ARHGAP42: variants seen among roughly 807,000 people sequenced by gnomAD.
ARHGAP42 encodes the protein Rho GTPase activating protein 42, also known as rho GTPase-activating protein 42.
ARHGAP42 carries 63 observed loss-of-function variants against 125.0 expected under a neutral mutation model. The ratio of observed to expected loss-of-function variants is 0.50; its 90% CI spans 0.41 to 0.62. The LOEUF (loss-of-function observed/expected upper bound fraction) is 0.62. Ranked by LOEUF, ARHGAP42 falls within the 20% of genes least tolerant of loss-of-function variation. The pLI is 0.00. For synonymous variants in ARHGAP42, 339 were observed against 351.0 expected (o/e 0.97, Z 0.38); for missense variants, 766 against 1,024.2 (o/e 0.75, Z 3.44).
chr11:100,928,535 C>G (rs1466049747), intron 6 of ARHGAP42, among the ~76,000 whole-genome samples: 2 of 151,664 alleles, frequency 1.3e-5, no homozygotes, highest in African/African-American at 4.8e-5. Context: ...GCAGTGAACT[C>G]TAATCATGCC....
chr11:100,757,001 A>G (rs1357595927), intron 1 of ARHGAP42, among the ~76,000 whole-genome samples: 2 of 152,196 alleles, frequency 1.3e-5, no homozygotes, highest in Non-Finnish European at 2.9e-5. Context: ...TAAACATAAG[A>G]TGCATATCTT....
At chr11:100,980,559 C>CTTCTTCTTTTTTT (rs1555037006) in intron 22 of ARHGAP42, among the ~76,000 whole-genome samples, 16 of 51,946 alleles carry the variant, frequency 3.1e-4, no homozygotes, top group Non-Finnish European at 4.2e-4. Context: ...TTTTCTTCTT[C>CTTCTTCTTTTTTT]TTTTTTTTTT....
rs7102924 is a variant in ARHGAP42 at position 100,795,294 on chromosome 11, T to G, written c.312+128T>G. The G allele has an allele frequency of 1.5e-3, 903 of 583,558 alleles. 5 individuals are homozygous for G. Among genetic ancestry groups the G allele is most frequent in the African/African-American group, 0.015 (786 of 52,122 alleles). The allele number at this position is 583,558 out of a possible 1,614,324, so 36.1% of individuals were successfully genotyped here. A position where few individuals can be genotyped will look rare whatever the true frequency, so the allele number is the denominator to read the frequency against. On this transcript the variant is annotated intron_variant, in intron 3 of 23. Transcript: ENST00000298815. ...TTTGACACGTCTACTAATTTTTACA[T>G]GTATTTTTGAAAAGATTTGTGACTA...
At position 100,772,550 on chromosome 11, in the gene ARHGAP42, C is replaced by T. The variant is rs187011107; in HGVS notation, c.250+2112C>T. Reference sequence around the variant, plus strand: ...TGCCTGAGGTATAGTTAAAGTGCCTCCAGGAATAAGGGAGAGCCCTCCCAC... The same window carrying T: ...TGCCTGAGGTATAGTTAAAGTGCCTTCAGGAATAAGGGAGAGCCCTCCCAC... On this transcript the variant is annotated intron_variant, in intron 2 of 23. Transcript: ENST00000298815. Among the ~76,000 whole-genome samples the T allele has an allele frequency of 3.4e-3, 515 of 152,192 alleles. 6 individuals carry two copies. Among genetic ancestry groups the T allele is most frequent in the Middle Eastern group, 6.8e-3 (2 of 294 alleles).
intron 4 of ARHGAP42, among the ~76,000 whole-genome samples, chr11:100,865,578 T>C (rs1330673602): frequency 6.6e-6 from 1 of 152,204 alleles, no homozygotes. Flanking sequence ...CGTAGCTTCC[T>C]TGGAGATAGA....
At chr11:100,892,370 C>T (rs1191282196) in intron 4 of ARHGAP42, among the ~76,000 whole-genome samples, 1 of 152,028 alleles carries the variant, frequency 6.6e-6, no homozygotes, top group East Asian at 1.9e-4. Flanking sequence ...TTTGGTAGCT[C>T]TTGATGGGAT....
chr11:100,863,495 G>C (rs571334629), intron 4 of ARHGAP42, among the ~76,000 whole-genome samples: 1 of 152,282 alleles, frequency 6.6e-6, no homozygotes, highest in Admixed American at 6.5e-5. Flanking sequence ...CATTTCCTTT[G>C]TAGTGTATTC....
At chr11:100,897,912 C>T (rs1866409055) in intron 4 of ARHGAP42, among the ~76,000 whole-genome samples, 1 of 152,080 alleles carries the variant, frequency 6.6e-6, no homozygotes, top group Non-Finnish European at 1.5e-5. Flanking sequence ...CATCCTTGTC[C>T]TGTGCTGGTT....
intron 2 of ARHGAP42, among the ~76,000 whole-genome samples, chr11:100,792,703 A>C (rs1486237228): frequency 6.7e-6 from 1 of 149,194 alleles, no homozygotes; most frequent in Non-Finnish European, 1.5e-5. Context: ...TGATTGTGTT[A>C]TTTGTATAAT....
At chr11:100,785,880 C>T (rs1863420898) in intron 2 of ARHGAP42, among the ~76,000 whole-genome samples, 1 of 152,118 alleles carries the variant, frequency 6.6e-6, no homozygotes. Flanking sequence ...AATTTTTTCC[C>T]TTTGACAATA....
At chr11:100,831,190 C>T (rs1383661782) in intron 3 of ARHGAP42, among the ~76,000 whole-genome samples, 1 of 152,106 alleles carries the variant, frequency 6.6e-6, no homozygotes, top group Non-Finnish European at 1.5e-5. Context: ...GGGCCAGTAA[C>T]ACCTACTCCA....
At chr11:100,839,022 A>G (rs1864881735) in intron 3 of ARHGAP42, among the ~76,000 whole-genome samples, 1 of 151,888 alleles carries the variant, frequency 6.6e-6, no homozygotes, top group African/African-American at 2.4e-5. Flanking sequence ...ATTATATACT[A>G]CTTCTATGTA....
rs1414756110 is a variant in ARHGAP42 at position 100,988,912 on chromosome 11, A to G, written c.*111A>G. ...TCAGCCCACTAAGTGAAAACAGTCA[A>G]TTTCTATCAAGTTCTTCACCAGCAG... On this transcript the variant is annotated 3_prime_UTR_variant, in exon 24 of 24. Transcript: ENST00000298815. The G allele has an allele frequency of 1.4e-6, 1 of 707,958 alleles. No individual in the cohort carries two copies. Among genetic ancestry groups the G allele is most frequent in the East Asian group, 2.8e-5 (1 of 35,984 alleles). The allele number at this position is 707,958 out of a possible 1,614,324, so 43.9% of individuals were successfully genotyped here.
chr11:100,839,713 T>C (rs1591226797), intron 3 of ARHGAP42: 1 of 152,186 alleles, frequency 6.6e-6, no homozygotes, highest in Non-Finnish European at 1.5e-5. Flanking sequence ...GCTAGGCTGG[T>C]GTCCCGTTCC....
intron 1 of ARHGAP42, among the ~76,000 whole-genome samples, chr11:100,737,775 C>T (rs1462701364): frequency 6.6e-6 from 1 of 152,234 alleles, no homozygotes; most frequent in Non-Finnish European, 1.5e-5. Context: ...ATTGCAGCTT[C>T]TTATTGGCAG....
chr11:100,838,424 A>G (rs767659887), intron 3 of ARHGAP42, among the ~76,000 whole-genome samples: 1 of 152,104 alleles, frequency 6.6e-6, no homozygotes, highest in Non-Finnish European at 1.5e-5. Flanking sequence ...ATGATAGTGT[A>G]GGCTGGGCTT....
chr11:100,832,284 C>G (rs679012), intron 3 of ARHGAP42, among the ~76,000 whole-genome samples: 10,932 of 152,232 alleles, frequency 0.072, 551 homozygotes, highest in East Asian at 0.26. Context: ...TGACTGCTGT[C>G]CTACAGCAAG....
chr11:100,757,519 G>A (rs944825767), intron 1 of ARHGAP42, among the ~76,000 whole-genome samples: 1 of 152,186 alleles, frequency 6.6e-6, no homozygotes, highest in Non-Finnish European at 1.5e-5. Context: ...GGAACACTTG[G>A]AAGTTAAATT....
intron 3 of ARHGAP42, among the ~76,000 whole-genome samples, chr11:100,817,409 G>T (rs1864293050): frequency 6.6e-6 from 1 of 152,110 alleles, no homozygotes; most frequent in Non-Finnish European, 1.5e-5. Context: ...GTACTTATTA[G>T]TCTTATCTAT....
Sources: gnomAD v4.1 joint callset for allele counts (sites outside exome capture counted in the v4.1 genomes callset) on GRCh38, gnomAD v4.1.1 for gene constraint, MANE v1.5 for transcripts, NCBI Gene and HGNC (gene_info 2026-07-23, HGNC 2026-07-21) for gene names.